Variants in ZFAND3 observed in about 807,000 individuals in gnomAD.
ZFAND3 encodes zinc finger AN1-type containing 3.
A neutral mutation model predicts 29.6 loss-of-function variants in ZFAND3; 10 were observed. The observed-to-expected ratio is 0.34, with a 90% CI of 0.21 to 0.57. The LOEUF (loss-of-function observed/expected upper bound fraction) is 0.57, where lower values mean the gene tolerates loss of function less well. Among genes scored for constraint, ZFAND3 ranks in the 20% least tolerant of loss-of-function variants. ZFAND3 has a pLI of 0.86. For synonymous variants in ZFAND3, 128 were observed against 112.6 expected, an observed-to-expected ratio of 1.14 and a Z score of -0.87; for missense variants, 230 against 304.5, an observed-to-expected ratio of 0.76 and a Z score of 1.82.
At chr6:38,014,330 A>AT (rs869081015) in intron 2 of ZFAND3, among the ~76,000 whole-genome samples, 3 of 150,920 alleles carry the variant, frequency 2.0e-5, no homozygotes, top group African/African-American at 4.8e-5. Context: ...TATTATTATT[A>AT]TTTTTTTTTT....
intron 2 of ZFAND3, among the ~76,000 whole-genome samples, chr6:38,055,760 C>CT (rs1272307353): frequency 1.3e-5 from 2 of 152,270 alleles, no homozygotes; most frequent in African/African-American, 4.8e-5. Context: ...GTATTAAGCA[C>CT]TTTATCTTTT....
At chr6:38,076,017 G>A (rs545188597) in intron 3 of ZFAND3, among the ~76,000 whole-genome samples, 19 of 152,150 alleles carry the variant, frequency 1.2e-4, no homozygotes, top group South Asian at 4.1e-4. Context: ...CTTGCAAAGC[G>A]CTGGGATTAC....
At chr6:37,928,713 G>A (rs1485845240) in intron 1 of ZFAND3, among the ~76,000 whole-genome samples, 1 of 152,018 alleles carries the variant, frequency 6.6e-6, no homozygotes, top group East Asian at 1.9e-4. Flanking sequence ...ATGGGGTTTT[G>A]TCATGTTGCC....
chr6:37,971,185 G>T (rs1762382093), intron 2 of ZFAND3, among the ~76,000 whole-genome samples: 1 of 152,094 alleles, frequency 6.6e-6, no homozygotes, highest in Non-Finnish European at 1.5e-5. Context: ...TGCTTTTGTA[G>T]TTCTTGTTAT....
At chr6:37,914,169 G>T (rs947754969) in intron 1 of ZFAND3, among the ~76,000 whole-genome samples, 1 of 152,160 alleles carries the variant, frequency 6.6e-6, no homozygotes, top group Non-Finnish European at 1.5e-5. Flanking sequence ...CAGAACTCTT[G>T]GGTGACCAGG....
intron 1 of ZFAND3, among the ~76,000 whole-genome samples, chr6:37,918,951 C>CTTTTTTTTTTTTTTTTTTTTTTTTTT (rs66941014): frequency 1.9e-5 from 2 of 104,726 alleles, no homozygotes; most frequent in African/African-American, 4.1e-5. Context: ...TGAAAAATGC[C>CTTTTTTTTTTTTTTTTTTTTTTTTTT]TTTTTTTTTT....
rs1562016201 is a variant in ZFAND3, at chr6:38,144,227, ATATATTTTT to A, written c.530-8006_530-7998del. On this transcript the variant is annotated intron_variant, in intron 5 of 5. Transcript: ENST00000287218. ...TATATATATAATATATAATATATATATATATTTTTTTTTTAATAAGGTTGCTTGATCATT... is the reference window on the plus strand; with the variant it reads ...TATATATATAATATATAATATATATATTTTTAATAAGGTTGCTTGATCATT... Among the ~76,000 whole-genome samples the A allele has an allele frequency of 1.4e-3, 114 of 80,124 alleles. 1 individual carries two copies. The highest frequency in any genetic ancestry group is 6.1e-3 in the African/African-American group (110 of 17,976). 52.6% of individuals were successfully genotyped at this position (80,124 alleles called of 152,430 possible).
chr6:37,829,988 T>C (rs1763831192), intron 1 of ZFAND3, among the ~76,000 whole-genome samples: 1 of 152,244 alleles, frequency 6.6e-6, no homozygotes, highest in African/African-American at 2.4e-5. Flanking sequence ...CTGCATTTTC[T>C]TACCCTTGGT....
Position 38,137,220 on chromosome 6 carries a change from A to G in ZFAND3, c.530-15015A>G, listed in dbSNP as rs1311589005. Among the ~76,000 whole-genome samples, 3 of 152,242 alleles carry G rather than the reference A, an allele frequency of 2.0e-5. No homozygotes were observed. The East Asian group carries it at 5.8e-4, about 29-fold the overall frequency. ...AGGCTCCTATGAATAACGGCAATAG[A>G]AAGGCACTGTTAGGAAAGTAAACGT... is the stretch of plus-strand genomic sequence containing the variant. On this transcript the variant is annotated intron_variant, in intron 5 of 5. Coordinates refer to ENST00000287218, the MANE Select transcript of ZFAND3 (RefSeq NM_021943.3).
rs147269557 is a variant in ZFAND3 at position 37,860,084 on chromosome 6, A to T, written c.71+40068A>T. Among the ~76,000 whole-genome samples the T allele has an allele frequency of 1.1e-3, 158 of 144,732 alleles. 1 individual carries two copies. The highest frequency in any genetic ancestry group is 3.7e-3 in the African/African-American group (142 of 38,898). 94.9% of individuals were successfully genotyped at this position (144,732 alleles called of 152,430 possible). A position where few individuals can be genotyped will look rare whatever the true frequency, so the allele number is the denominator to read the frequency against. ...TTTTTAGTAGACGTGGGGTTTCACC[A>T]GGTCTCGAACTCCTGACCTCAGGTG... On this transcript the variant is annotated intron_variant, in intron 1 of 5. Transcript: ENST00000287218.
chr6:37,819,835 C>CGG lies in ZFAND3; in HGVS notation c.-111_-110insGG. 4.6e-6 allele frequency: 3 copies of CGG among 649,002 alleles called. No individual in the cohort carries two copies. The highest frequency in any genetic ancestry group is 6.1e-6 in the Non-Finnish European group (3 of 495,786). The allele number at this position is 649,002 out of a possible 1,614,324, so 40.2% of individuals were successfully genotyped here. On this transcript the variant is annotated 5_prime_UTR_variant, in exon 1 of 6. Coordinates refer to ENST00000287218, the MANE Select transcript of ZFAND3 (RefSeq NM_021943.3). ...CCGCCCGCGCGCCCGCTCCTTCCCC[C>CGG]TCCCCCCGCCCCGAGCCCCCCGACG...
intron 1 of ZFAND3, among the ~76,000 whole-genome samples, chr6:37,834,694 G>A (rs1763931010): frequency 6.6e-6 from 1 of 151,326 alleles, no homozygotes; most frequent in Admixed American, 6.6e-5. Context: ...TGATACATAT[G>A]CATATATCAT....
chr6:37,969,573 A>G (rs1045892682), intron 2 of ZFAND3, among the ~76,000 whole-genome samples: 1 of 152,212 alleles, frequency 6.6e-6, no homozygotes, highest in Non-Finnish European at 1.5e-5. Context: ...TACTCAAAGT[A>G]TGGTTTCTAC....
At chr6:38,019,527 A>C (rs1350295648) in intron 2 of ZFAND3, among the ~76,000 whole-genome samples, 1 of 151,838 alleles carries the variant, frequency 6.6e-6, no homozygotes, top group African/African-American at 2.4e-5. Context: ...GAAATACAGA[A>C]AGTTTTTATT....
intron 5 of ZFAND3, among the ~76,000 whole-genome samples, chr6:38,145,727 G>A (rs1415831157): frequency 1.3e-5 from 2 of 152,154 alleles, no homozygotes; most frequent in Non-Finnish European, 2.9e-5. Flanking sequence ...GGCCCTTTAG[G>A]TATTGGGCAT....
chr6:37,826,793 T>C (rs1763768577), intron 1 of ZFAND3, among the ~76,000 whole-genome samples: 1 of 151,632 alleles, frequency 6.6e-6, no homozygotes, highest in South Asian at 2.1e-4. Context: ...AATCTAAAAC[T>C]GTATCCTAGA....
At chr6:37,828,265 T>A (rs1401224759) in intron 1 of ZFAND3, among the ~76,000 whole-genome samples, 1 of 152,180 alleles carries the variant, frequency 6.6e-6, no homozygotes, top group African/African-American at 2.4e-5. Context: ...TAAAAAAAAA[T>A]TTCTGTGGCT....
chr6:37,942,390 A>G (rs1157458910), intron 2 of ZFAND3, among the ~76,000 whole-genome samples: 2 of 152,072 alleles, frequency 1.3e-5, no homozygotes, highest in African/African-American at 2.4e-5. Context: ...TTTTTCCTTC[A>G]TGATCATTTG....
intron 1 of ZFAND3, among the ~76,000 whole-genome samples, chr6:37,829,162 A>G (rs1322178943): frequency 1.3e-5 from 2 of 152,058 alleles, no homozygotes; most frequent in African/African-American, 4.8e-5. Flanking sequence ...TGGACTGATC[A>G]GCAGTGGGTT....
Sources: gnomAD v4.1 joint callset for allele counts (sites outside exome capture counted in the v4.1 genomes callset) on GRCh38, gnomAD v4.1.1 for gene constraint, MANE v1.5 for transcripts, NCBI Gene and HGNC (gene_info 2026-07-23, HGNC 2026-07-21) for gene names.